The following FAM163A variants were observed in gnomAD, a reference collection of about 807,000 sequenced individuals.
The protein encoded by FAM163A is protein FAM163A.
FAM163A carries 7 observed loss-of-function variants against 12.0 expected under a neutral mutation model. The ratio of observed to expected loss-of-function variants is 0.58; its 90% CI spans 0.33 to 1.10. FAM163A has a LOEUF of 1.10. FAM163A is among the 50% of genes least tolerant of loss of function. The pLI is 0.03. For synonymous variants in FAM163A, 101 were observed against 91.0 expected (o/e 1.11, Z -0.62); for missense variants, 202 against 218.6 (o/e 0.92, Z 0.48).
upstream of FAM163A, among the ~76,000 whole-genome samples, chr1:179,741,824 A>G (rs1683680533): frequency 1.3e-5 from 2 of 152,214 alleles, no homozygotes; most frequent in African/African-American, 2.4e-5. Flanking sequence ...TAGTTGCTTT[A>G]GGGGGAAGGG....
chr1:179,765,677 A>ATTTTT (rs749528573), intron 1 of FAM163A, among the ~76,000 whole-genome samples: 8 of 127,230 alleles, frequency 6.3e-5, no homozygotes, highest in African/African-American at 2.4e-4. Flanking sequence ...AGCTTTGGGA[A>ATTTTT]TTTTTTTTTT....
At chr1:179,748,562 C>T (rs892112518) in intron 1 of FAM163A, among the ~76,000 whole-genome samples, 8 of 152,276 alleles carry the variant, frequency 5.3e-5, no homozygotes, top group Middle Eastern at 6.8e-3. Context: ...AGGTTGCCCA[C>T]GGGCAGTGCG....
chr1:179,743,902 C>G (rs998063472), intron 1 of FAM163A, among the ~76,000 whole-genome samples: 1 of 152,134 alleles, frequency 6.6e-6, no homozygotes, highest in African/African-American at 2.4e-5. Flanking sequence ...CCCGCCGCCA[C>G]CCGGGGAGCA....
At chr1:179,796,918 C>T (rs1363738559) in intron 1 of FAM163A, among the ~76,000 whole-genome samples, 1 of 152,220 alleles carries the variant, frequency 6.6e-6, no homozygotes, top group East Asian at 1.9e-4. Flanking sequence ...TGGAGTCTTC[C>T]CCCATGGGTT....
At chr1:179,784,510 C>A (rs1409889578) in intron 1 of FAM163A, among the ~76,000 whole-genome samples, 2 of 152,220 alleles carry the variant, frequency 1.3e-5, no homozygotes, top group African/African-American at 4.8e-5. Flanking sequence ...GTGCCTGGCA[C>A]ATGGCAGGCA....
intron 1 of FAM163A, among the ~76,000 whole-genome samples, chr1:179,807,577 G>C (rs1037098987): frequency 1.3e-5 from 2 of 152,244 alleles, no homozygotes; most frequent in African/African-American, 4.8e-5. Context: ...CAGAGGGAAG[G>C]AGACAAAGCT....
intron 1 of FAM163A, among the ~76,000 whole-genome samples, chr1:179,769,017 A>T (rs1369180895): frequency 2.0e-5 from 3 of 152,228 alleles, no homozygotes; most frequent in Admixed American, 2.0e-4. Context: ...TACTGAAGTG[A>T]TTATAAATTA....
intron 1 of FAM163A, among the ~76,000 whole-genome samples, chr1:179,786,625 T>C (rs892963098): frequency 6.6e-6 from 1 of 152,176 alleles, no homozygotes; most frequent in African/African-American, 2.4e-5. Flanking sequence ...CATTGAATCC[T>C]CAAGACAACC....
At position 179,815,105 on chromosome 1, in the gene FAM163A, GCGCGCACAGACACA is replaced by G. The variant is rs1462031575; in HGVS notation, c.*918_*931del. 2,171 of 85,280 alleles carry G rather than the reference GCGCGCACAGACACA, an allele frequency of 0.025. 39 individuals carry two copies. Among genetic ancestry groups the G allele is most frequent in the African/African-American group, 0.067 (1,361 of 20,248 alleles). The allele number at this position is 85,280 out of a possible 1,614,324, so 5.3% of individuals were successfully genotyped here. A position where few individuals can be genotyped will look rare whatever the true frequency, so the allele number is the denominator to read the frequency against. Reference sequence around the variant, plus strand: ...TTCCCAGGTGTACGCACGCGCGCGCGCGCGCACAGACACACACACACACACACACACACACACAC... The same window carrying G: ...TTCCCAGGTGTACGCACGCGCGCGCGCACACACACACACACACACACACAC... On this transcript the variant is annotated 3_prime_UTR_variant, in exon 5 of 5. Coordinates refer to ENST00000341785, the MANE Select transcript of FAM163A (RefSeq NM_173509.3).
At chr1:179,773,920 A>G (rs559281113) in intron 1 of FAM163A, among the ~76,000 whole-genome samples, 4 of 152,332 alleles carry the variant, frequency 2.6e-5, no homozygotes, top group African/African-American at 9.6e-5. Flanking sequence ...AATGAAAATG[A>G]CTTTGTCTAA....
At chr1:179,790,283 T>A (rs187839094) in intron 1 of FAM163A, among the ~76,000 whole-genome samples, 8 of 145,034 alleles carry the variant, frequency 5.5e-5, no homozygotes, top group African/African-American at 2.0e-4. Context: ...AACTAAGAGG[T>A]TTTTTGTCAA....
At position 179,815,430 on chromosome 1, in the gene FAM163A, T is replaced by C. The variant is rs1695237875; in HGVS notation, c.*1241T>C. On this transcript the variant is annotated 3_prime_UTR_variant, in exon 5 of 5. Coordinates refer to ENST00000341785, the MANE Select transcript of FAM163A (RefSeq NM_173509.3). Reference sequence around the variant, plus strand: ...TGACGCCGTGGAGCAGGATCTTCATTCATCTCACCAGAGCAACAGCCCAGT... The same window carrying C: ...TGACGCCGTGGAGCAGGATCTTCATCCATCTCACCAGAGCAACAGCCCAGT... 1 of 152,252 alleles carries C rather than the reference T, an allele frequency of 6.6e-6. No homozygotes were observed. Among genetic ancestry groups the C allele is most frequent in the South Asian group, 2.1e-4 (1 of 4,828 alleles). The allele number at this position is 152,252 out of a possible 1,614,324, so 9.4% of individuals were successfully genotyped here.
chr1:179,804,731 A>G (rs1693679008), intron 1 of FAM163A, among the ~76,000 whole-genome samples: 1 of 152,238 alleles, frequency 6.6e-6, no homozygotes, highest in African/African-American at 2.4e-5. Context: ...ACATGTTCTC[A>G]CATATAAGTG....
At chr1:179,753,947 A>C (rs531635607) in intron 1 of FAM163A, among the ~76,000 whole-genome samples, 1 of 152,358 alleles carries the variant, frequency 6.6e-6, no homozygotes, top group African/African-American at 2.4e-5. Context: ...GAAAGTGATT[A>C]ACAAAGGTAT....
At chr1:179,759,682 T>C (rs1350731760) in intron 1 of FAM163A, among the ~76,000 whole-genome samples, 1 of 152,002 alleles carries the variant, frequency 6.6e-6, no homozygotes, top group Non-Finnish European at 1.5e-5. Flanking sequence ...CCTTTTTTTT[T>C]TTGAGACAGA....
intron 1 of FAM163A, among the ~76,000 whole-genome samples, chr1:179,768,787 G>A (rs1017443723): frequency 6.6e-6 from 1 of 152,022 alleles, no homozygotes; most frequent in Admixed American, 6.5e-5. Flanking sequence ...TGTATTTTTA[G>A]TAGAGACGGG....
At chr1:179,777,981 G>A (rs1571432862) in intron 1 of FAM163A, among the ~76,000 whole-genome samples, 1 of 152,118 alleles carries the variant, frequency 6.6e-6, no homozygotes, top group South Asian at 2.1e-4. Flanking sequence ...CCTACTGAGT[G>A]TACAGATGCT....
At chr1:179,786,815 C>T (rs1321679514) in intron 1 of FAM163A, among the ~76,000 whole-genome samples, 1 of 152,190 alleles carries the variant, frequency 6.6e-6, no homozygotes, top group African/African-American at 2.4e-5. Flanking sequence ...GTGTCTCAGC[C>T]CAAGGCCTCT....
intron 1 of FAM163A, among the ~76,000 whole-genome samples, chr1:179,745,127 G>A (rs1442496126): frequency 1.3e-5 from 2 of 152,072 alleles, no homozygotes; most frequent in East Asian, 1.9e-4. Flanking sequence ...AAACCAGCAG[G>A]TACAGACAGG....
Sources: gnomAD v4.1 joint callset for allele counts (sites outside exome capture counted in the v4.1 genomes callset) on GRCh38, gnomAD v4.1.1 for gene constraint, MANE v1.5 for transcripts, NCBI Gene and HGNC (gene_info 2026-07-23, HGNC 2026-07-21) for gene names.